Variants in SNX29 observed in about 807,000 individuals in gnomAD.
The protein encoded by SNX29 is sorting nexin 29, also known as sorting nexin-29.
Under a neutral mutation model 102.1 loss-of-function variants are expected in SNX29, and 78 were observed. The observed-to-expected ratio is 0.76, with a 90% CI of 0.64 to 0.92. SNX29 has a LOEUF of 0.92. Among genes scored for constraint, SNX29 ranks in the 40% least tolerant of loss-of-function variants. The pLI is 0.00. For synonymous variants in SNX29, 580 were observed against 414.5 expected, an observed-to-expected ratio of 1.40 and a Z score of -4.85; for missense variants, 1,280 against 1,061.7, an observed-to-expected ratio of 1.21 and a Z score of -2.86.
chr16:12,267,812 A>G (rs1020503759), intron 14 of SNX29, among the ~76,000 whole-genome samples: 17 of 152,110 alleles, frequency 1.1e-4, no homozygotes, highest in Admixed American at 1.1e-3. Context: ...AGTGATCCCT[A>G]AAAACGTCCA....
In SNX29 at chr16:12,572,391, C is replaced by CA; in HGVS notation, c.*3763dup. The stretch of plus-strand genomic sequence containing the variant: ...CTTCTGGAGGCGGCTTATATCCCAA[C>CA]AGCCTGAGGCAGGGCTCTGTGGCCC... On this transcript the variant is annotated 3_prime_UTR_variant, in exon 21 of 21. Transcript: ENST00000566228. 1 of 1,063,214 alleles carries CA rather than the reference C, an allele frequency of 9.4e-7. No homozygotes were observed. Among genetic ancestry groups the CA allele is most frequent in the Non-Finnish European group, 1.1e-6 (1 of 877,926 alleles). 65.9% of individuals were successfully genotyped at this position (1,063,214 alleles called of 1,614,324 possible). A position where few individuals can be genotyped will look rare whatever the true frequency, so the allele number is the denominator to read the frequency against.
Position 12,126,978 on chromosome 16 carries a change from C to G in SNX29, c.1466+282C>G, listed in dbSNP as rs540203347. ...TCATTAATTCTTTTTTAAAAAACAG[C>G]CTTTATTGATATTTAATTCACATAC... On this transcript the variant is annotated intron_variant, in intron 12 of 20. Coordinates refer to ENST00000566228, the MANE Select transcript of SNX29 (RefSeq NM_032167.5). 1.4e-4 allele frequency among the ~76,000 whole-genome samples: 22 copies of G among 152,236 alleles called. No individual in the cohort carries two copies. The South Asian group carries it at 1.5e-3, about 10-fold the overall frequency.
intron 18 of SNX29, among the ~76,000 whole-genome samples, chr16:12,455,940 G>A (rs2086519190): frequency 6.6e-6 from 1 of 152,098 alleles, no homozygotes; most frequent in Non-Finnish European, 1.5e-5. Flanking sequence ...GGAACTGAGG[G>A]CTCCTAGGGG....
intron 20 of SNX29, among the ~76,000 whole-genome samples, chr16:12,553,007 A>T (rs531505330): frequency 6.6e-6 from 1 of 152,258 alleles, no homozygotes; most frequent in East Asian, 1.9e-4. Context: ...AAATCAGGAG[A>T]GTGGGATTAG....
chr16:12,102,700 A>T (rs1183515614), intron 11 of SNX29, among the ~76,000 whole-genome samples: 2 of 152,166 alleles, frequency 1.3e-5, no homozygotes, highest in Non-Finnish European at 2.9e-5. Flanking sequence ...AGTATTGCAA[A>T]TTCTGGCCAG....
At chr16:12,542,728 C>G (rs1253200686) in intron 20 of SNX29, among the ~76,000 whole-genome samples, 1 of 138,000 alleles carries the variant, frequency 7.2e-6, no homozygotes, top group African/African-American at 2.7e-5. Flanking sequence ...ACTCTTAAAT[C>G]TTGTGCATAT....
At chr16:12,549,970 G>C (rs949676997) in intron 20 of SNX29, among the ~76,000 whole-genome samples, 1 of 152,190 alleles carries the variant, frequency 6.6e-6, no homozygotes, top group Non-Finnish European at 1.5e-5. Flanking sequence ...AACATGCCCA[G>C]TCATTCACAC....
intron 9 of SNX29, 127 bp from the exon 10 acceptor site, chr16:12,068,930 G>T: frequency 1.3e-6 from 1 of 791,684 alleles, no homozygotes; most frequent in Non-Finnish European, 2.1e-6. Flanking sequence ...GCTTGCAGGA[G>T]AGATGGAGAA....
chr16:12,535,658 C>T (rs530666316), intron 20 of SNX29, among the ~76,000 whole-genome samples: 1 of 152,312 alleles, frequency 6.6e-6, no homozygotes, highest in South Asian at 2.1e-4. Context: ...TCTTGAATAT[C>T]TTCAGGGCTG....
chr16:12,316,417 C>T (rs948301264), intron 15 of SNX29, among the ~76,000 whole-genome samples: 1 of 152,188 alleles, frequency 6.6e-6, no homozygotes, highest in African/African-American at 2.4e-5. Flanking sequence ...GTGGCAGGCA[C>T]CTGTAATCCC....
intron 20 of SNX29, among the ~76,000 whole-genome samples, chr16:12,530,526 C>G (rs140484874): frequency 1.3e-5 from 2 of 150,880 alleles, no homozygotes; most frequent in Non-Finnish European, 2.9e-5. Context: ...CTCCACTGTT[C>G]TGAAATTTGC....
intron 11 of SNX29, chr16:12,087,844 C>A (rs764525548): frequency 2.8e-5 from 13 of 456,818 alleles, no homozygotes; most frequent in South Asian, 1.4e-4. Flanking sequence ...TCCTGGTTGA[C>A]GTGGCTGGGA....
chr16:12,537,561 A>C (rs1247646034), intron 20 of SNX29, among the ~76,000 whole-genome samples: 1 of 152,204 alleles, frequency 6.6e-6, no homozygotes, highest in Non-Finnish European at 1.5e-5. Flanking sequence ...CTCGAAGGGA[A>C]GCAATTTTGA....
chr16:12,565,506 G>A (rs9921116), intron 20 of SNX29, among the ~76,000 whole-genome samples: 122,768 of 152,074 alleles, frequency 0.81, 50,314 homozygotes, highest in African/African-American at 0.88. Context: ...CCTGTGTCCC[G>A]AGACATGGCT....
At chr16:12,338,752 C>G (rs1205001563) in intron 15 of SNX29, among the ~76,000 whole-genome samples, 1 of 152,206 alleles carries the variant, frequency 6.6e-6, no homozygotes, top group Non-Finnish European at 1.5e-5. Context: ...AGATGAGACT[C>G]TATGGAATCT....
intron 18 of SNX29, among the ~76,000 whole-genome samples, chr16:12,427,000 CTATT>C (rs1387652229): frequency 1.3e-5 from 2 of 152,044 alleles, no homozygotes; most frequent in African/African-American, 4.8e-5. Context: ...GCTTGGAAAG[CTATT>C]TATTATATAT....
At chr16:12,074,665 G>T in intron 10 of SNX29, among the ~76,000 whole-genome samples, 1 of 152,136 alleles carries the variant, frequency 6.6e-6, no homozygotes, top group Non-Finnish European at 1.5e-5. Context: ...TTCTCCAGGA[G>T]TATCTTTGTG....
intron 15 of SNX29, among the ~76,000 whole-genome samples, chr16:12,324,730 G>C (rs537094847): frequency 2.0e-5 from 3 of 152,136 alleles, no homozygotes; most frequent in African/African-American, 7.2e-5. Context: ...TAGTCCCTTT[G>C]ATGATAAACA....
intron 13 of SNX29, among the ~76,000 whole-genome samples, chr16:12,192,190 T>A (rs148867449): frequency 3.3e-5 from 5 of 152,334 alleles, no homozygotes; most frequent in African/African-American, 7.2e-5. Flanking sequence ...TGGAAGCTGT[T>A]TGAGAGGTAC....
Sources: allele counts gnomAD v4.1 joint callset (sites outside exome capture counted in the v4.1 genomes callset), GRCh38; gene constraint gnomAD v4.1.1; transcripts MANE v1.5; gene names NCBI Gene and HGNC (gene_info 2026-07-23, HGNC 2026-07-21).